CADPS: variants seen among roughly 807,000 people sequenced by gnomAD.
The protein encoded by CADPS is calcium-dependent secretion activator 1.
CADPS carries 57 observed loss-of-function variants against 167.3 expected under a neutral mutation model. That is an observed-to-expected ratio of 0.34 (90% CI 0.28 to 0.42). The LOEUF (loss-of-function observed/expected upper bound fraction) is 0.42, where lower values mean the gene tolerates loss of function less well. Among genes scored for constraint, CADPS ranks in the 20% least tolerant of loss-of-function variants. The probability of loss-of-function intolerance (pLI) is 1.00; values close to 1 mark genes in which losing one functional copy is unlikely to be tolerated. For missense variants in CADPS, 1,414 were observed against 1,738.1 expected (o/e 0.81, Z 3.32); for synonymous variants, 676 against 635.3 (o/e 1.06, Z -0.96).
chr3:62,744,180 T>C (rs1446054518), intron 3 of CADPS, among the ~76,000 whole-genome samples: 1 of 152,162 alleles, frequency 6.6e-6, no homozygotes, highest in Non-Finnish European at 1.5e-5. Flanking sequence ...TATAAAGTAT[T>C]AGGCTTACTG....
intron 6 of CADPS, among the ~76,000 whole-genome samples, chr3:62,641,225 T>C (rs2067351668): frequency 6.6e-6 from 1 of 152,208 alleles, no homozygotes; most frequent in Non-Finnish European, 1.5e-5. Context: ...AACTGGATGC[T>C]GTTGCCTGCA....
intron 12 of CADPS, among the ~76,000 whole-genome samples, chr3:62,533,755 T>A (rs1337203920): frequency 2.0e-5 from 3 of 151,988 alleles, no homozygotes; most frequent in African/African-American, 7.3e-5. Context: ...GTTTTTTAAA[T>A]TTTTCAAATG....
intron 13 of CADPS, among the ~76,000 whole-genome samples, chr3:62,532,514 A>C (rs1168282635): frequency 6.6e-6 from 1 of 152,170 alleles, no homozygotes; most frequent in Non-Finnish European, 1.5e-5. Flanking sequence ...GCATTCTCTC[A>C]ACAACCCCAG....
intron 6 of CADPS, among the ~76,000 whole-genome samples, chr3:62,610,879 G>A (rs2061413165): frequency 6.6e-6 from 1 of 151,642 alleles, no homozygotes; most frequent in African/African-American, 2.4e-5. Flanking sequence ...TTCTTAATTG[G>A]GAGGGGGGTG....
rs151096770 is a variant in CADPS, at chr3:62,489,692, G to T, written c.3026+1647C>A. 5.1e-3 allele frequency among the ~76,000 whole-genome samples: 775 copies of T among 152,280 alleles called. 5 individuals are homozygous for T. Among genetic ancestry groups the T allele is most frequent in the African/African-American group, 0.017 (714 of 41,564 alleles). On this transcript the variant is annotated intron_variant, in intron 21 of 29. Coordinates refer to ENST00000383710, the MANE Select transcript of CADPS (RefSeq NM_003716.4). Reference sequence around the variant, plus strand: ...ATACCAATTATTCTCTTCCATGTGTGTTGGTAGTAGTAGTCTCCGTATTTA... The same window carrying T: ...ATACCAATTATTCTCTTCCATGTGTTTTGGTAGTAGTAGTCTCCGTATTTA...
chr3:62,747,305 T>G (rs2081668264), intron 3 of CADPS, among the ~76,000 whole-genome samples: 1 of 152,172 alleles, frequency 6.6e-6, no homozygotes, highest in Non-Finnish European at 1.5e-5. Context: ...AGAAAAGAGA[T>G]GAAGAAATAG....
At chr3:62,619,666 T>C (rs1258176239) in intron 6 of CADPS, among the ~76,000 whole-genome samples, 3 of 152,130 alleles carry the variant, frequency 2.0e-5, no homozygotes, top group Admixed American at 6.5e-5. Context: ...GGAAAGACCA[T>C]TGTTTCCAGG....
At chr3:62,618,667 T>C (rs1192249339) in intron 6 of CADPS, among the ~76,000 whole-genome samples, 1 of 152,208 alleles carries the variant, frequency 6.6e-6, no homozygotes, top group Non-Finnish European at 1.5e-5. Flanking sequence ...TGTTTCATTC[T>C]CAGAGGCTGA....
At chr3:62,522,240 G>T (rs1360801453) in intron 13 of CADPS, among the ~76,000 whole-genome samples, 1 of 152,090 alleles carries the variant, frequency 6.6e-6, no homozygotes, top group African/African-American at 2.4e-5. Flanking sequence ...AAGCTCAAGC[G>T]ATCCTCCTAC....
intron 1 of CADPS, among the ~76,000 whole-genome samples, chr3:62,791,257 T>C (rs2092919526): frequency 1.3e-5 from 2 of 152,194 alleles, no homozygotes; most frequent in Admixed American, 6.5e-5. Flanking sequence ...TACAATATGG[T>C]AGACAATAGC....
chr3:62,748,111 G>A (rs2081887591), intron 3 of CADPS, among the ~76,000 whole-genome samples: 1 of 144,302 alleles, frequency 6.9e-6, no homozygotes, highest in Non-Finnish European at 1.5e-5. Flanking sequence ...ACAAGGTCAG[G>A]AGATTGAGAC....
chr3:62,609,575 G>T (rs1388155852), intron 6 of CADPS, among the ~76,000 whole-genome samples: 1 of 152,184 alleles, frequency 6.6e-6, no homozygotes, highest in African/African-American at 2.4e-5. Flanking sequence ...GGAGCTGGGT[G>T]ATTGTGGCCA....
intron 6 of CADPS, among the ~76,000 whole-genome samples, chr3:62,609,374 G>A (rs2061171369): frequency 6.6e-6 from 1 of 152,152 alleles, no homozygotes; most frequent in Non-Finnish European, 1.5e-5. Flanking sequence ...CATTCCCACT[G>A]CTCTGTTTGT....
At chr3:62,754,712 T>C (rs1028057592) in intron 2 of CADPS, among the ~76,000 whole-genome samples, 1 of 152,164 alleles carries the variant, frequency 6.6e-6, no homozygotes, top group African/African-American at 2.4e-5. Context: ...CCAGTATGTA[T>C]TTTAAAATGA....
intron 2 of CADPS, among the ~76,000 whole-genome samples, chr3:62,759,665 A>T (rs539335870): frequency 6.6e-6 from 1 of 152,194 alleles, no homozygotes; most frequent in Non-Finnish European, 1.5e-5. Flanking sequence ...CAAGCCAAAT[A>T]GTTATCTTGA....
intron 1 of CADPS, among the ~76,000 whole-genome samples, chr3:62,770,520 G>A (rs2088347481): frequency 6.6e-6 from 1 of 152,092 alleles, no homozygotes; most frequent in Non-Finnish European, 1.5e-5. Context: ...CCGCCTCCTA[G>A]GTTCAAGTGA....
chr3:62,603,178 A>G (rs2060208518), intron 6 of CADPS, among the ~76,000 whole-genome samples: 1 of 152,202 alleles, frequency 6.6e-6, no homozygotes, highest in Non-Finnish European at 1.5e-5. Context: ...GCACAGTGCA[A>G]AGCACATGAG....
Position 62,446,107 on chromosome 3 carries a change from G to A in CADPS, c.3637-310C>T, listed in dbSNP as rs1322839794. Reference sequence around the variant, plus strand: ...TAGCTAAACCCACATGGATTAGTCCGGGGCTTACCAGTCTAGAGAAGCAAC... The same window carrying A: ...TAGCTAAACCCACATGGATTAGTCCAGGGCTTACCAGTCTAGAGAAGCAAC... On this transcript the variant is annotated intron_variant, in intron 26 of 29. Coordinates refer to ENST00000383710, the MANE Select transcript of CADPS (RefSeq NM_003716.4). This position sits in a 1 kb window ranked among gnomAD's most constrained non-coding sequence, Gnocchi z 4.9. Among the ~76,000 whole-genome samples, 1 of 152,162 alleles carries A rather than the reference G, an allele frequency of 6.6e-6. No individual in the cohort carries two copies. The highest frequency in any genetic ancestry group is 2.4e-5 in the African/African-American group (1 of 41,440).
intron 13 of CADPS, among the ~76,000 whole-genome samples, chr3:62,521,124 T>A (rs2070456398): frequency 6.6e-6 from 1 of 152,084 alleles, no homozygotes; most frequent in African/African-American, 2.4e-5. Flanking sequence ...TCAGTAGAGC[T>A]GGGGGGTAGG....
Sources: allele counts gnomAD v4.1 joint callset (sites outside exome capture counted in the v4.1 genomes callset), GRCh38; gene constraint gnomAD v4.1.1; non-coding constraint Gnocchi (gnomAD v3.1); transcripts MANE v1.5; gene names NCBI Gene and HGNC (gene_info 2026-07-23, HGNC 2026-07-21).